KIAA1217: variants seen among roughly 807,000 people sequenced by gnomAD.
KIAA1217 encodes the protein KIAA1217.
Under a neutral mutation model 163.9 loss-of-function variants are expected in KIAA1217, and 88 were observed. The ratio of observed to expected loss-of-function variants is 0.54; its 90% CI spans 0.45 to 0.64. The LOEUF (loss-of-function observed/expected upper bound fraction) is 0.64, where lower values mean the gene tolerates loss of function less well. KIAA1217 is among the 30% of genes least tolerant of loss of function. The pLI is 0.00. For missense variants in KIAA1217, 2,372 were observed against 2,475.0 expected, an observed-to-expected ratio of 0.96 and a Z score of 0.88; for synonymous variants, 903 against 923.1, an observed-to-expected ratio of 0.98 and a Z score of 0.39.
At chr10:23,783,737 T>G (rs1483995367) in intron 1 of KIAA1217, among the ~76,000 whole-genome samples, 3 of 152,108 alleles carry the variant, frequency 2.0e-5, no homozygotes, top group Non-Finnish European at 4.4e-5. Context: ...CTTTAATCCT[T>G]TCTGTGCTAT....
Position 24,511,172 on chromosome 10 carries a change from A to AAAAAAAAAAAG in KIAA1217, c.2002-2086_2002-2085insAAAAAAAAAGA, listed in dbSNP as rs1554918365. 2.2e-3 allele frequency among the ~76,000 whole-genome samples: 254 copies of AAAAAAAAAAAG among 115,582 alleles called. 12 individuals carry two copies. Among genetic ancestry groups the AAAAAAAAAAAG allele is most frequent in the African/African-American group, 7.3e-3 (197 of 27,050 alleles). 75.8% of individuals were successfully genotyped at this position (115,582 alleles called of 152,430 possible). A position where few individuals can be genotyped will look rare whatever the true frequency, so the allele number is the denominator to read the frequency against. On this transcript the variant is annotated intron_variant, in intron 9 of 20. Transcript: ENST00000376454. ...TGTCTCAAAAAAAAAAAAAAAAAAA[A>AAAAAAAAAAAG]AGGAGCCTGGCCCCTATGAAGAACT...
At chr10:24,142,305 C>T (rs2064120597) in intron 2 of KIAA1217, among the ~76,000 whole-genome samples, 1 of 152,162 alleles carries the variant, frequency 6.6e-6, no homozygotes, top group African/African-American at 2.4e-5. Flanking sequence ...GAGGGGGCTA[C>T]ATGATGTGTT....
intron 2 of KIAA1217, among the ~76,000 whole-genome samples, chr10:24,160,235 G>A (rs2065059963): frequency 6.6e-6 from 1 of 151,856 alleles, no homozygotes; most frequent in African/African-American, 2.4e-5. Context: ...CATTTAAAAA[G>A]CATTTAATAA....
chr10:24,118,698 T>C (rs1043675354), intron 2 of KIAA1217, among the ~76,000 whole-genome samples: 1 of 145,102 alleles, frequency 6.9e-6, no homozygotes, highest in Admixed American at 6.9e-5. Context: ...ACTTACATCC[T>C]GGATTTGCTT....
chr10:24,169,759 G>C (rs1201058543), intron 2 of KIAA1217, among the ~76,000 whole-genome samples: 2 of 152,160 alleles, frequency 1.3e-5, no homozygotes, highest in East Asian at 3.9e-4. Context: ...ACAAAGATGA[G>C]CTCCTCTCCC....
chr10:24,102,180 G>T (rs12251761), intron 2 of KIAA1217, among the ~76,000 whole-genome samples: 6,584 of 152,200 alleles, frequency 0.043, 501 homozygotes, highest in African/African-American at 0.15. Flanking sequence ...GAATGAAGAA[G>T]CAATTATAGC....
At chr10:23,933,249 T>TTCAGACCAAATAATATTTTTTGAA (rs1392588805) in intron 1 of KIAA1217, among the ~76,000 whole-genome samples, 1 of 152,128 alleles carries the variant, frequency 6.6e-6, no homozygotes, top group Non-Finnish European at 1.5e-5. Context: ...TGAATAGAGT[T>TTCAGACCAAATAATATTTTTTGAA]TCAGACCAAA....
intron 2 of KIAA1217, among the ~76,000 whole-genome samples, chr10:24,099,615 G>A (rs2062320419): frequency 1.4e-5 from 2 of 144,846 alleles, no homozygotes; most frequent in African/African-American, 5.1e-5. Context: ...TATACTTTAA[G>A]TTCTAGGGTA....
intron 1 of KIAA1217, among the ~76,000 whole-genome samples, chr10:23,741,554 C>A (rs1296664418): frequency 6.6e-6 from 1 of 152,152 alleles, no homozygotes; most frequent in Non-Finnish European, 1.5e-5. Flanking sequence ...TCACTAACCC[C>A]CCTTTTCAGC....
At chr10:24,483,313 C>T (rs1255730046) in intron 6 of KIAA1217, among the ~76,000 whole-genome samples, 1 of 152,150 alleles carries the variant, frequency 6.6e-6, no homozygotes, top group Non-Finnish European at 1.5e-5. Context: ...CCATCTCTCA[C>T]CTGACTTGCT....
At chr10:24,261,627 C>A (rs193254151) in intron 2 of KIAA1217, among the ~76,000 whole-genome samples, 1 of 152,160 alleles carries the variant, frequency 6.6e-6, no homozygotes, top group Admixed American at 6.5e-5. Flanking sequence ...CTGCTTCTAT[C>A]CCAGTCTTTG....
intron 2 of KIAA1217, among the ~76,000 whole-genome samples, chr10:24,290,899 G>A (rs2079030055): frequency 6.6e-6 from 1 of 152,152 alleles, no homozygotes; most frequent in East Asian, 1.9e-4. Context: ...ACCGTGCCTG[G>A]CCATGAAGTC....
chr10:24,345,804 A>T (rs1183110033), intron 2 of KIAA1217, among the ~76,000 whole-genome samples: 1 of 150,898 alleles, frequency 6.6e-6, no homozygotes, highest in African/African-American at 2.4e-5. Context: ...ACGATTTTTT[A>T]AATTGTAGTA....
At chr10:24,407,271 TGTG>T (rs2131250980) in intron 3 of KIAA1217, among the ~76,000 whole-genome samples, 1 of 152,032 alleles carries the variant, frequency 6.6e-6, no homozygotes, top group East Asian at 1.9e-4. Flanking sequence ...TGTGTGTGTG[TGTG>T]TGTGTGTGTG....
At chr10:24,151,652 GC>G (rs749495742) in intron 2 of KIAA1217, among the ~76,000 whole-genome samples, 5 of 151,438 alleles carry the variant, frequency 3.3e-5, no homozygotes, top group African/African-American at 4.9e-5. Flanking sequence ...CAGTATGGCC[GC>G]CTTCTTCCCT....
intron 5 of KIAA1217, among the ~76,000 whole-genome samples, chr10:24,453,482 A>AT (rs1429044988): frequency 6.6e-6 from 1 of 152,244 alleles, no homozygotes; most frequent in Non-Finnish European, 1.5e-5. Flanking sequence ...ATTATCCAGT[A>AT]TTTTTTATGG....
intron 2 of KIAA1217, among the ~76,000 whole-genome samples, chr10:24,198,334 C>G (rs1255976670): frequency 2.0e-5 from 3 of 152,088 alleles, no homozygotes; most frequent in Non-Finnish European, 2.9e-5. Context: ...ACTGGGTGGG[C>G]GTGGTGGCTC....
chr10:24,168,874 G>A (rs1420931492), intron 2 of KIAA1217, among the ~76,000 whole-genome samples: 3 of 152,154 alleles, frequency 2.0e-5, no homozygotes, highest in Admixed American at 2.0e-4. Flanking sequence ...ATCTAAAGAG[G>A]CCATTTTTCA....
intron 1 of KIAA1217, among the ~76,000 whole-genome samples, chr10:23,947,769 T>C (rs1030598259): frequency 6.6e-6 from 1 of 152,214 alleles, no homozygotes; most frequent in African/African-American, 2.4e-5. Context: ...CTAAAGCTTA[T>C]ATTCTAGTGT....
Sources: gnomAD v4.1 joint callset for allele counts (sites outside exome capture counted in the v4.1 genomes callset) on GRCh38, gnomAD v4.1.1 for gene constraint, MANE v1.5 for transcripts, NCBI Gene and HGNC (gene_info 2026-07-23, HGNC 2026-07-21) for gene names.